Variants in NUP58 observed in about 807,000 individuals in gnomAD.
The protein encoded by NUP58 is nucleoporin 58.
NUP58 carries 17 observed loss-of-function variants against 70.1 expected under a neutral mutation model. That is an observed-to-expected ratio of 0.24 (90% CI 0.17 to 0.36). NUP58 has a LOEUF of 0.36. Ranked by LOEUF, NUP58 falls within the 10% of genes least tolerant of loss-of-function variation. The pLI is 1.00. For missense variants in NUP58, 644 were observed against 701.5 expected (o/e 0.92, Z 0.93); for synonymous variants, 275 against 257.6 (o/e 1.07, Z -0.65).
intron 1 of NUP58, among the ~76,000 whole-genome samples, chr13:25,303,925 G>T (rs1476903837): frequency 6.6e-6 from 1 of 152,194 alleles, no homozygotes; most frequent in African/African-American, 2.4e-5. Context: ...TTTTAGAGAG[G>T]CTTGGATAAA....
At chr13:25,316,230 A>G (rs1215998635) in intron 6 of NUP58, among the ~76,000 whole-genome samples, 1 of 152,160 alleles carries the variant, frequency 6.6e-6, no homozygotes, top group Non-Finnish European at 1.5e-5. Context: ...GCCACGTTGA[A>G]TCTTGGTTTT....
chr13:25,304,512 A>ATATG (rs2030209768), intron 1 of NUP58, among the ~76,000 whole-genome samples: 1 of 75,336 alleles, frequency 1.3e-5, no homozygotes, highest in African/African-American at 4.6e-5. Flanking sequence ...ATATATATAT[A>ATATG]TATATGTATT....
chr13:25,331,338 T>C lies in NUP58; in HGVS notation c.1234-19T>C, dbSNP rs927661716. 1 of 1,606,700 alleles carries C rather than the reference T, an allele frequency of 6.2e-7. No homozygotes were observed. The highest frequency in any genetic ancestry group is 8.5e-7 in the Non-Finnish European group (1 of 1,175,892). ...CAATGTGAAACTTCATTTAGCCGTT[T>C]TGTTTATTATTCTTTTAGGTTCTGA... On this transcript the variant is annotated intron_variant, in intron 12 of 15. Transcript: ENST00000381736.
At chr13:25,343,803 A>ATG (rs758565072), downstream of NUP58, among the ~76,000 whole-genome samples, 209 of 99,580 alleles carry the variant, frequency 2.1e-3, 1 homozygote, top group East Asian at 3.7e-3. Context: ...CCACATATAT[A>ATG]TGTATATATA....
intron 7 of NUP58, 174 bp from the exon 8 acceptor site, chr13:25,320,356 C>A: frequency 2.1e-6 from 1 of 484,872 alleles, no homozygotes. Flanking sequence ...TTTATAGATC[C>A]TATTTACAAT....
intron 1 of NUP58, among the ~76,000 whole-genome samples, chr13:25,304,590 C>T (rs969134639): frequency 6.8e-6 from 1 of 147,522 alleles, no homozygotes; most frequent in East Asian, 2.0e-4. Flanking sequence ...GATCTTGGCT[C>T]ATTGCAACCT....
Position 25,315,354 on chromosome 13 carries a change from T to C in NUP58, c.575-3T>C, listed in dbSNP as rs1949784060. ...GAATTTATAAGTTATGTTTTATTTA[T>C]AGGACTTGGACAGAATGCTTTAGGG... On this transcript the variant is annotated splice_polypyrimidine_tract_variant and splice_region_variant and intron_variant, in intron 5 of 15. Transcript: ENST00000381736. 1.2e-6 allele frequency: 2 copies of C among 1,603,032 alleles called. No individual in the cohort carries two copies. Among genetic ancestry groups the C allele is most frequent in the Non-Finnish European group, 1.7e-6 (2 of 1,172,656 alleles).
chr13:25,345,135 A>C (rs972849474), downstream of NUP58, among the ~76,000 whole-genome samples: 1 of 152,198 alleles, frequency 6.6e-6, no homozygotes, highest in East Asian at 1.9e-4. Context: ...TTTAGTCTGA[A>C]TATTACTGTG....
rs201560422 is a variant in NUP58 at position 25,313,624 on chromosome 13, A to T, written c.447A>T (p.Gly149=). 6.0e-5 allele frequency: 91 copies of T among 1,510,232 alleles called. No individual in the cohort carries two copies. In the East Asian group the frequency reaches 2.2e-3, roughly 37 times the overall value. The allele number at this position is 1,510,232 out of a possible 1,614,324, so 93.6% of individuals were successfully genotyped here. Residue 149 remains glycine, a synonymous_variant, in exon 5 of 16, where the codon GGA becomes GGT. Coordinates refer to ENST00000381736, the MANE Select transcript of NUP58 (RefSeq NM_014089.4). ...ALTSTPAAST[G]FTLNNLGGTT... ...TCTCTCTTTTTATAGCATCCACAGG[A>T]TTTACTCTAAATAATTTGGGTGGGA...
At position 25,305,199 on chromosome 13, in the gene NUP58, A is replaced by G. The variant is rs561532781; in HGVS notation, c.108-2607A>G. ...TGCCCTGTCTCCCAGGCTGGAATGCAGTGGCGCAATCTCAGCCCGCTACAA... is the reference window on the plus strand; with the variant it reads ...TGCCCTGTCTCCCAGGCTGGAATGCGGTGGCGCAATCTCAGCCCGCTACAA... On this transcript the variant is annotated intron_variant, in intron 1 of 15. Coordinates refer to ENST00000381736, the MANE Select transcript of NUP58 (RefSeq NM_014089.4). Among the ~76,000 whole-genome samples, 11 of 128,926 alleles carry G rather than the reference A, an allele frequency of 8.5e-5. 1 individual carries two copies. In the South Asian group the frequency reaches 2.7e-3, roughly 32 times the overall value. 84.6% of individuals were successfully genotyped at this position (128,926 alleles called of 152,430 possible).
chr13:25,330,027 C>T (rs1230957332), intron 12 of NUP58, among the ~76,000 whole-genome samples: 2 of 152,134 alleles, frequency 1.3e-5, no homozygotes, highest in Admixed American at 6.5e-5. Flanking sequence ...GGGGCACTTG[C>T]TGTGTTGTCC....
At chr13:25,332,962 A>G in intron 13 of NUP58, 1 of 985,344 alleles carries the variant, frequency 1.0e-6, no homozygotes, top group Non-Finnish European at 1.2e-6. Flanking sequence ...ATTAATCCTA[A>G]AGTAGATAAG....
chr13:25,302,290 T>G (rs1033644246), intron 1 of NUP58, among the ~76,000 whole-genome samples: 16 of 152,264 alleles, frequency 1.1e-4, no homozygotes, highest in Admixed American at 3.3e-4. Context: ...TCCGATTTCA[T>G]TGCAGCATTT....
At chr13:25,322,134 C>A (rs1261073404) in intron 9 of NUP58, among the ~76,000 whole-genome samples, 2 of 152,200 alleles carry the variant, frequency 1.3e-5, no homozygotes, top group Non-Finnish European at 2.9e-5. Flanking sequence ...GTCTAGAAAT[C>A]TTTCCGTGAA....
chr13:25,314,038 C>G (rs1287426458), intron 5 of NUP58, among the ~76,000 whole-genome samples: 3 of 152,130 alleles, frequency 2.0e-5, no homozygotes, highest in African/African-American at 7.2e-5. Context: ...AAGAGAGATT[C>G]TCCTGCCTCA....
intron 1 of NUP58, among the ~76,000 whole-genome samples, chr13:25,304,407 G>A (rs2030185061): frequency 6.9e-6 from 1 of 145,650 alleles, no homozygotes; most frequent in Admixed American, 6.9e-5. Flanking sequence ...TCATTTTGAT[G>A]TGTTTCTTTG....
intron 3 of NUP58, among the ~76,000 whole-genome samples, chr13:25,312,155 A>C (rs1359871344): frequency 1.3e-5 from 2 of 152,090 alleles, no homozygotes; most frequent in Non-Finnish European, 2.9e-5. Context: ...AGAGCTACAG[A>C]AAAAAAGGAC....
chr13:25,311,945 T>C (rs930984262), intron 3 of NUP58, among the ~76,000 whole-genome samples: 3 of 152,040 alleles, frequency 2.0e-5, no homozygotes, highest in African/African-American at 4.8e-5. Flanking sequence ...GTTGGAGATA[T>C]AGCAAAAAAT....
chr13:25,328,261 TTTTA>T (rs2031476867), intron 12 of NUP58, among the ~76,000 whole-genome samples: 1 of 152,108 alleles, frequency 6.6e-6, no homozygotes, highest in South Asian at 2.1e-4. Flanking sequence ...ATTTTATCTG[TTTTA>T]AGTGTTTATT....
Sources: allele counts gnomAD v4.1 joint callset (sites outside exome capture counted in the v4.1 genomes callset), GRCh38; gene constraint gnomAD v4.1.1; transcripts MANE v1.5; gene names NCBI Gene and HGNC (gene_info 2026-07-23, HGNC 2026-07-21).